Variants in CSMD1 observed in about 807,000 individuals in gnomAD.
CSMD1 encodes CUB and Sushi multiple domains 1.
A neutral mutation model predicts 417.5 loss-of-function variants in CSMD1; 213 were observed. That is an observed-to-expected ratio of 0.51 (90% CI 0.46 to 0.57). The LOEUF (loss-of-function observed/expected upper bound fraction) is 0.57. Ranked by LOEUF, CSMD1 falls within the 20% of genes least tolerant of loss-of-function variation. CSMD1 has a pLI of 0.00. For missense variants in CSMD1, 6,923 were observed against 4,529.7 expected, an observed-to-expected ratio of 1.53 and a Z score of -15.17; for synonymous variants, 2,862 against 1,736.8, an observed-to-expected ratio of 1.65 and a Z score of -16.11.
At chr8:4,454,898 A>G (rs1799377157) in intron 2 of CSMD1, among the ~76,000 whole-genome samples, 1 of 152,186 alleles carries the variant, frequency 6.6e-6, no homozygotes, top group Non-Finnish European at 1.5e-5. Flanking sequence ...ATACACCTAC[A>G]GAAACTGAAG....
At chr8:4,100,881 C>G (rs969215709) in intron 3 of CSMD1, among the ~76,000 whole-genome samples, 3 of 152,124 alleles carry the variant, frequency 2.0e-5, no homozygotes, top group Non-Finnish European at 4.4e-5. Context: ...AGAAAGCCTC[C>G]ATTTATACAA....
chr8:4,349,980 A>G (rs1584940157), intron 3 of CSMD1, among the ~76,000 whole-genome samples: 1 of 152,294 alleles, frequency 6.6e-6, no homozygotes, highest in Middle Eastern at 3.4e-3. Context: ...TAAGGGATCC[A>G]AAGTAATAGC....
At chr8:3,835,075 C>A (rs1802599336) in intron 5 of CSMD1, among the ~76,000 whole-genome samples, 3 of 151,224 alleles carry the variant, frequency 2.0e-5, no homozygotes, top group African/African-American at 7.3e-5. Flanking sequence ...ACAACAGGTG[C>A]TGGAGAGGAT....
intron 1 of CSMD1, among the ~76,000 whole-genome samples, chr8:4,814,373 G>A (rs1799082694): frequency 6.6e-6 from 1 of 152,166 alleles, no homozygotes; most frequent in Non-Finnish European, 1.5e-5. Flanking sequence ...AGTCTCCCGA[G>A]TAGCTGGGAT....
rs543913045 is a variant in CSMD1, at chr8:2,983,880, A to G, written c.8378-5080T>C. 6.6e-5 allele frequency among the ~76,000 whole-genome samples: 10 copies of G among 152,340 alleles called. No homozygotes were observed. The South Asian group carries it at 1.9e-3, about 28-fold the overall frequency. On this transcript the variant is annotated intron_variant, in intron 54 of 69. Transcript: ENST00000635120. ...CAATATAATTATTATACAAAAAGGA[A>G]AAGTAAAATCGAAACTGTCAGATTA...
chr8:3,168,075 T>G lies in CSMD1; in HGVS notation c.5726-5798A>C, dbSNP rs560806428. Among the ~76,000 whole-genome samples the G allele has an allele frequency of 2.6e-5, 4 of 151,560 alleles. No homozygotes were observed. The East Asian group carries it at 7.8e-4, about 29-fold the overall frequency. On this transcript the variant is annotated intron_variant, in intron 37 of 69. Coordinates refer to ENST00000635120, the MANE Select transcript of CSMD1 (RefSeq NM_033225.6). ...ATTAGAAAAAAAAAAAAAAGATATT[T>G]CAAACTAGAGAGCTCAAAACAAAAA...
chr8:3,870,923 T>C (rs898684021), intron 5 of CSMD1, among the ~76,000 whole-genome samples: 2 of 152,106 alleles, frequency 1.3e-5, no homozygotes, highest in South Asian at 2.1e-4. Context: ...TGCATGTACA[T>C]AGCTTTTTAT....
chr8:4,472,329 G>A (rs1800582294), intron 2 of CSMD1, among the ~76,000 whole-genome samples: 1 of 152,034 alleles, frequency 6.6e-6, no homozygotes, highest in South Asian at 2.1e-4. Context: ...ACCAATAGTA[G>A]AGAAAGCATG....
intron 2 of CSMD1, among the ~76,000 whole-genome samples, chr8:4,470,113 G>C (rs970833693): frequency 6.6e-6 from 1 of 151,764 alleles, no homozygotes; most frequent in Non-Finnish European, 1.5e-5. Context: ...CTCGTGATCC[G>C]CCCGCCTCGG....
At chr8:4,740,909 T>C (rs1810561092) in intron 1 of CSMD1, among the ~76,000 whole-genome samples, 1 of 152,184 alleles carries the variant, frequency 6.6e-6, no homozygotes, top group African/African-American at 2.4e-5. Flanking sequence ...CTAACTTTCC[T>C]GACTTTAAAG....
intron 3 of CSMD1, among the ~76,000 whole-genome samples, chr8:4,063,781 C>G (rs1175829272): frequency 1.3e-5 from 2 of 152,128 alleles, no homozygotes; most frequent in Non-Finnish European, 1.5e-5. Flanking sequence ...CTTCTTCATT[C>G]AGTTCCACTT....
intron 54 of CSMD1, among the ~76,000 whole-genome samples, chr8:2,983,890 C>T (rs1007955941): frequency 2.0e-5 from 3 of 152,126 alleles, no homozygotes; most frequent in Admixed American, 6.5e-5. Flanking sequence ...AAAGTAAAAT[C>T]GAAACTGTCA....
intron 1 of CSMD1, among the ~76,000 whole-genome samples, chr8:4,876,713 C>G (rs1803063391): frequency 6.6e-6 from 1 of 152,050 alleles, no homozygotes; most frequent in Non-Finnish European, 1.5e-5. Flanking sequence ...ATTTCTAAGA[C>G]AATATCATGA....
intron 2 of CSMD1, among the ~76,000 whole-genome samples, chr8:4,445,132 G>C (rs977984391): frequency 6.6e-6 from 1 of 152,184 alleles, no homozygotes. Flanking sequence ...AGTAGATACA[G>C]TGCTGTTTTA....
intron 3 of CSMD1, among the ~76,000 whole-genome samples, chr8:4,172,653 T>C (rs1797831413): frequency 6.6e-6 from 1 of 152,196 alleles, no homozygotes; most frequent in African/African-American, 2.4e-5. Flanking sequence ...CGGTCCTCCC[T>C]TAAATATGGG....
intron 5 of CSMD1, among the ~76,000 whole-genome samples, chr8:3,960,444 C>A (rs554255750): frequency 1.3e-5 from 2 of 152,106 alleles, no homozygotes; most frequent in African/African-American, 2.4e-5. Flanking sequence ...GTGAGAAATA[C>A]AATTTTCAAC....
intron 8 of CSMD1, among the ~76,000 whole-genome samples, chr8:3,593,178 G>T (rs1800936677): frequency 2.0e-5 from 3 of 152,222 alleles, no homozygotes; most frequent in African/African-American, 7.2e-5. Context: ...TGGAAGCCCA[G>T]TGTCATGTTT....
intron 2 of CSMD1, among the ~76,000 whole-genome samples, chr8:4,441,095 GTTTTTTT>G (rs36000734): frequency 7.8e-5 from 4 of 51,296 alleles, no homozygotes; most frequent in Admixed American, 3.9e-4. Context: ...TAATCAAAAG[GTTTTTTT>G]TTTTTTTTTT....
chr8:4,470,874 T>C (rs116736892), intron 2 of CSMD1, among the ~76,000 whole-genome samples: 1 of 152,198 alleles, frequency 6.6e-6, no homozygotes, highest in Non-Finnish European at 1.5e-5. Context: ...TAAAACTGAA[T>C]TATTTTTAAG....
Sources: gnomAD v4.1 joint callset for allele counts (sites outside exome capture counted in the v4.1 genomes callset) on GRCh38, gnomAD v4.1.1 for gene constraint, MANE v1.5 for transcripts, NCBI Gene and HGNC (gene_info 2026-07-23, HGNC 2026-07-21) for gene names.